The following STAG1 variants were observed in gnomAD, a reference collection of about 807,000 sequenced individuals.
The protein encoded by STAG1 is cohesin subunit SA-1.
In STAG1, 26 loss-of-function variants were observed where a neutral mutation model predicts 170.9. The ratio of observed to expected loss-of-function variants is 0.15; its 90% CI spans 0.11 to 0.21. The LOEUF (loss-of-function observed/expected upper bound fraction) is 0.21. Ranked by LOEUF, STAG1 falls within the 10% of genes least tolerant of loss-of-function variation. STAG1 has a pLI of 1.00. For missense variants in STAG1, 964 were observed against 1,509.5 expected (o/e 0.64, Z 5.99); for synonymous variants, 514 against 497.7 (o/e 1.03, Z -0.44).
intron 1 of STAG1, among the ~76,000 whole-genome samples, chr3:136,692,936 C>A (rs72975365): frequency 6.6e-6 from 1 of 152,044 alleles, no homozygotes; most frequent in African/African-American, 2.4e-5. Context: ...CATAAAGAGA[C>A]AGATGTATGT....
chr3:136,605,633 T>C (rs1019372630), intron 3 of STAG1, among the ~76,000 whole-genome samples: 2 of 152,242 alleles, frequency 1.3e-5, no homozygotes, highest in Non-Finnish European at 2.9e-5. Flanking sequence ...TTATGCTCTC[T>C]ATTGAGTAAT....
chr3:136,403,574 A>G (rs2087398978), intron 21 of STAG1, among the ~76,000 whole-genome samples: 1 of 152,158 alleles, frequency 6.6e-6, no homozygotes, highest in African/African-American at 2.4e-5. Flanking sequence ...TTTGAATTTG[A>G]AACAACCCTA....
chr3:136,513,558 C>T (rs190853543), intron 7 of STAG1, among the ~76,000 whole-genome samples: 1 of 152,016 alleles, frequency 6.6e-6, no homozygotes, highest in African/African-American at 2.4e-5. Context: ...GCAAAGCTTC[C>T]AAAGACAAGA....
intron 14 of STAG1, among the ~76,000 whole-genome samples, chr3:136,450,895 C>A (rs6773604): frequency 6.6e-6 from 1 of 151,812 alleles, no homozygotes; most frequent in Non-Finnish European, 1.5e-5. Context: ...ATTAGGTGTG[C>A]GCCACCACGC....
At chr3:136,432,712 G>A (rs2107746050) in intron 16 of STAG1, among the ~76,000 whole-genome samples, 1 of 152,120 alleles carries the variant, frequency 6.6e-6, no homozygotes, top group Non-Finnish European at 1.5e-5. Flanking sequence ...TCACTATGTT[G>A]GCCAGGCTGG....
At chr3:136,354,764 A>AAAAAAAAAAAAAAAAAAAAAAAC (rs1936575320) in intron 28 of STAG1, among the ~76,000 whole-genome samples, 1 of 146,510 alleles carries the variant, frequency 6.8e-6, no homozygotes, top group African/African-American at 2.5e-5. Flanking sequence ...CAAAAAAAAA[A>AAAAAAAAAAAAAAAAAAAAAAAC]AAAACCAAAA....
chr3:136,489,331 T>C (rs1424099529), intron 9 of STAG1, among the ~76,000 whole-genome samples: 1 of 152,220 alleles, frequency 6.6e-6, no homozygotes, highest in Non-Finnish European at 1.5e-5. Flanking sequence ...GGAAGTTTAA[T>C]TATTTTCTGC....
At chr3:136,510,558 G>A (rs368930089) in intron 7 of STAG1, among the ~76,000 whole-genome samples, 2 of 151,794 alleles carry the variant, frequency 1.3e-5, no homozygotes, top group African/African-American at 4.8e-5. Flanking sequence ...TTACAGGCGT[G>A]AGCCACTGCA....
At chr3:136,473,985 T>A (rs1415744997) in intron 10 of STAG1, among the ~76,000 whole-genome samples, 2 of 152,228 alleles carry the variant, frequency 1.3e-5, no homozygotes, top group Non-Finnish European at 2.9e-5. Context: ...ATGTAATTAT[T>A]GAATAATTCT....
At chr3:136,666,309 A>G (rs1941772560) in intron 1 of STAG1, among the ~76,000 whole-genome samples, 1 of 152,060 alleles carries the variant, frequency 6.6e-6, no homozygotes, top group African/African-American at 2.4e-5. Context: ...TTTTGGTCTT[A>G]TAAGACTCTT....
chr3:136,565,253 C>G (rs577324729), intron 5 of STAG1, among the ~76,000 whole-genome samples: 1 of 152,100 alleles, frequency 6.6e-6, no homozygotes, highest in East Asian at 1.9e-4. Context: ...AAAAGACAAC[C>G]TAGAGAGCGG....
intron 1 of STAG1, among the ~76,000 whole-genome samples, chr3:136,698,098 T>C (rs1310476395): frequency 6.7e-6 from 1 of 150,142 alleles, no homozygotes; most frequent in African/African-American, 2.4e-5. Context: ...CTTCTAGACA[T>C]TGGCTTAGGC....
At chr3:136,512,864 A>G (rs1256918325) in intron 7 of STAG1, among the ~76,000 whole-genome samples, 1 of 152,154 alleles carries the variant, frequency 6.6e-6, no homozygotes, top group Non-Finnish European at 1.5e-5. Context: ...GCTTTTTAGT[A>G]TCTCACTATC....
rs187938067 is a variant in STAG1, at chr3:136,359,001, C to A, written c.2936+147G>T. 1.5e-4 allele frequency: 100 copies of A among 664,424 alleles called. No homozygotes were observed. The East Asian group carries it at 3.0e-3, about 20-fold the overall frequency. The allele number at this position is 664,424 out of a possible 1,614,324, so 41.2% of individuals were successfully genotyped here. ...TTAAGTTTTTTCAAATTAAAAACAT[C>A]CTCCCAGTTTAGAATCTCTAAACTA... On this transcript the variant is annotated intron_variant, in intron 27 of 33. Coordinates refer to ENST00000383202, the MANE Select transcript of STAG1 (RefSeq NM_005862.3).
intron 1 of STAG1, among the ~76,000 whole-genome samples, chr3:136,706,078 A>G (rs1943220782): frequency 6.6e-6 from 1 of 152,174 alleles, no homozygotes; most frequent in Admixed American, 6.5e-5. Context: ...TCAGAAATAA[A>G]CAAACAAACA....
intron 12 of STAG1, among the ~76,000 whole-genome samples, chr3:136,467,363 T>C (rs2089493701): frequency 6.6e-6 from 1 of 152,036 alleles, no homozygotes; most frequent in African/African-American, 2.4e-5. Flanking sequence ...GCAATCCTAG[T>C]CTCTGATAAA....
At chr3:136,649,126 T>C (rs2107853901) in intron 1 of STAG1, among the ~76,000 whole-genome samples, 1 of 152,354 alleles carries the variant, frequency 6.6e-6, no homozygotes, top group South Asian at 2.1e-4. Flanking sequence ...TCCATGCCTT[T>C]GCTTATACTA....
chr3:136,736,213 C>A (rs145879576), intron 1 of STAG1, among the ~76,000 whole-genome samples: 1 of 152,212 alleles, frequency 6.6e-6, no homozygotes, highest in Non-Finnish European at 1.5e-5. Context: ...GTACAAAACA[C>A]TGAGTTACAG....
intron 1 of STAG1, among the ~76,000 whole-genome samples, chr3:136,686,525 T>C (rs1310790761): frequency 2.6e-5 from 4 of 152,192 alleles, no homozygotes; most frequent in African/African-American, 7.2e-5. Flanking sequence ...CTCGAACCGT[T>C]AGGCCAACAT....
Sources: allele counts gnomAD v4.1 joint callset (sites outside exome capture counted in the v4.1 genomes callset), GRCh38; gene constraint gnomAD v4.1.1; transcripts MANE v1.5; gene names NCBI Gene and HGNC (gene_info 2026-07-23, HGNC 2026-07-21).